The following CTNND2 variants were observed in gnomAD, a reference collection of about 807,000 sequenced individuals.
The protein encoded by CTNND2 is catenin delta-2.
A neutral mutation model predicts 144.4 loss-of-function variants in CTNND2; 22 were observed. That is an observed-to-expected ratio of 0.15 (90% CI 0.11 to 0.22). CTNND2 has a LOEUF of 0.22. CTNND2 is among the 10% of genes least tolerant of loss of function. The probability of loss-of-function intolerance (pLI) is 1.00; values close to 1 mark genes in which losing one functional copy is unlikely to be tolerated. For missense variants in CTNND2, 1,353 were observed against 1,618.8 expected, an observed-to-expected ratio of 0.84 and a Z score of 2.82; for synonymous variants, 751 against 695.6, an observed-to-expected ratio of 1.08 and a Z score of -1.25.
intron 3 of CTNND2, among the ~76,000 whole-genome samples, chr5:11,475,510 A>C (rs1455592930): frequency 6.6e-6 from 1 of 152,170 alleles, no homozygotes; most frequent in Non-Finnish European, 1.5e-5. Context: ...AATTTAGGGA[A>C]ATCACACATA....
At position 11,517,025 on chromosome 5, in the gene CTNND2, A is replaced by G. The variant is rs547777855; in HGVS notation, c.287+47919T>C. On this transcript the variant is annotated intron_variant, in intron 3 of 21. Transcript: ENST00000304623. The stretch of plus-strand genomic sequence containing the variant: ...CATGTATTTCTTAGGCAAGCATATT[A>G]TAGAATTACTTTCCAATATCAATAC... 1.3e-3 allele frequency among the ~76,000 whole-genome samples: 195 copies of G among 152,344 alleles called. 1 individual carries two copies. The highest frequency in any genetic ancestry group is 6.8e-3 in the Middle Eastern group (2 of 294).
intron 11 of CTNND2, among the ~76,000 whole-genome samples, chr5:11,170,297 G>A (rs751622594): frequency 6.6e-6 from 1 of 152,120 alleles, no homozygotes; most frequent in Non-Finnish European, 1.5e-5. Context: ...TTCATCTTTT[G>A]CCAGTTCCCT....
chr5:11,354,859 G>A (rs983866801), intron 8 of CTNND2, among the ~76,000 whole-genome samples: 5 of 152,066 alleles, frequency 3.3e-5, no homozygotes, highest in African/African-American at 7.2e-5. Context: ...CCACAAACAA[G>A]TCTTAACAAA....
chr5:11,317,005 C>T (rs977832855), intron 9 of CTNND2, among the ~76,000 whole-genome samples: 1 of 152,002 alleles, frequency 6.6e-6, no homozygotes, highest in Non-Finnish European at 1.5e-5. Flanking sequence ...AAAAGTGGGC[C>T]AAGGATATGA....
At chr5:11,566,532 A>G (rs1777117701) in intron 2 of CTNND2, among the ~76,000 whole-genome samples, 1 of 152,196 alleles carries the variant, frequency 6.6e-6, no homozygotes, top group Non-Finnish European at 1.5e-5. Flanking sequence ...AAACTCACCC[A>G]TACTTTTAAG....
At chr5:11,159,148 A>G (rs1374656347) in intron 12 of CTNND2, among the ~76,000 whole-genome samples, 2 of 152,180 alleles carry the variant, frequency 1.3e-5, no homozygotes, top group African/African-American at 4.8e-5. Flanking sequence ...TAAAATGAGA[A>G]TTTTTAAAAA....
intron 2 of CTNND2, among the ~76,000 whole-genome samples, chr5:11,698,213 A>G (rs1336399250): frequency 6.6e-6 from 1 of 152,150 alleles, no homozygotes; most frequent in Non-Finnish European, 1.5e-5. Context: ...ATACTCCCCA[A>G]CCAAGCCCTC....
chr5:11,511,532 G>A (rs968153350), intron 3 of CTNND2, among the ~76,000 whole-genome samples: 1 of 152,156 alleles, frequency 6.6e-6, no homozygotes, highest in Non-Finnish European at 1.5e-5. Context: ...TCATTTGGGG[G>A]TGATGTGTCC....
At chr5:11,066,741 G>C (rs376220831) in intron 16 of CTNND2, among the ~76,000 whole-genome samples, 1 of 152,182 alleles carries the variant, frequency 6.6e-6, no homozygotes, top group South Asian at 2.1e-4. Flanking sequence ...GAGACTCAGT[G>C]AGAGTGAAAT....
chr5:11,170,559 A>G (rs960442360), intron 11 of CTNND2, among the ~76,000 whole-genome samples: 7 of 152,056 alleles, frequency 4.6e-5, no homozygotes, highest in Middle Eastern at 3.2e-3. Context: ...GACCTCTACT[A>G]AAACACACAT....
chr5:11,133,065 T>C (rs1468485037), intron 12 of CTNND2, among the ~76,000 whole-genome samples: 2 of 152,188 alleles, frequency 1.3e-5, no homozygotes, highest in African/African-American at 4.8e-5. Flanking sequence ...AATGGTTACT[T>C]AAGACTGCCA....
rs557547348 is a variant in CTNND2, at chr5:11,244,132, G to C, written c.1629-7309C>G. Among the ~76,000 whole-genome samples, 15 of 152,188 alleles carry C rather than the reference G, an allele frequency of 9.9e-5. No homozygotes were observed. In the East Asian group the frequency reaches 2.1e-3, roughly 21 times the overall value. On this transcript the variant is annotated intron_variant, in intron 9 of 21. Coordinates refer to ENST00000304623, the MANE Select transcript of CTNND2 (RefSeq NM_001332.4). The stretch of plus-strand genomic sequence containing the variant: ...GTGCAGGGGTGATGGTCATAAGTTA[G>C]ATAGATTTTTTTAAAGAACAAAATG...
At chr5:11,579,984 T>TCTC (rs2150127899) in intron 2 of CTNND2, among the ~76,000 whole-genome samples, 1 of 152,274 alleles carries the variant, frequency 6.6e-6, no homozygotes, top group Non-Finnish European at 1.5e-5. Context: ...AAAGCAATAG[T>TCTC]CTCCTCAGAA....
At chr5:11,139,275 A>C (rs1246501700) in intron 12 of CTNND2, among the ~76,000 whole-genome samples, 1 of 152,196 alleles carries the variant, frequency 6.6e-6, no homozygotes, top group Non-Finnish European at 1.5e-5. Context: ...ACCATTTTTG[A>C]TCTGGAAACC....
At chr5:11,099,458 T>C (rs1291200396) in intron 14 of CTNND2, among the ~76,000 whole-genome samples, 2 of 152,178 alleles carry the variant, frequency 1.3e-5, no homozygotes, top group African/African-American at 2.4e-5. Context: ...CACAAAGGAA[T>C]ACCAGTCAAC....
At position 11,376,324 on chromosome 5, in the gene CTNND2, G is replaced by GCGTGTGTGTGTGTGTGTTCATGTATC. The variant is rs1554044787; in HGVS notation, c.1177+8340_1177+8341insGATACATGAACACACACACACACACG. Among the ~76,000 whole-genome samples, 350 of 149,228 alleles carry GCGTGTGTGTGTGTGTGTTCATGTATC rather than the reference G, an allele frequency of 2.3e-3. 1 individual carries two copies. Among genetic ancestry groups the GCGTGTGTGTGTGTGTGTTCATGTATC allele is most frequent in the African/African-American group, 8.3e-3 (335 of 40,568 alleles). On this transcript the variant is annotated intron_variant, in intron 7 of 21. Transcript: ENST00000304623. Reference sequence around the variant, plus strand: ...GTGATGAATGCCTTTGTGTGTGTGTGTGTGTGTGTGTGTGTGTGTGTGTAT... The same window carrying GCGTGTGTGTGTGTGTGTTCATGTATC: ...GTGATGAATGCCTTTGTGTGTGTGTGCGTGTGTGTGTGTGTGTTCATGTATCTGTGTGTGTGTGTGTGTGTGTGTAT...
At chr5:11,401,664 C>T (rs1760661577) in intron 5 of CTNND2, among the ~76,000 whole-genome samples, 1 of 152,224 alleles carries the variant, frequency 6.6e-6, no homozygotes, top group Non-Finnish European at 1.5e-5. Context: ...CTAACCCATT[C>T]AATTTTAATG....
intron 12 of CTNND2, among the ~76,000 whole-genome samples, chr5:11,129,049 TAAATA>T (rs1447221110): frequency 3.4e-5 from 1 of 29,150 alleles, no homozygotes; most frequent in Non-Finnish European, 5.9e-5. Context: ...ATATTATATA[TAAATA>T]AAATATATAT....
At chr5:11,398,858 C>T (rs1243354064) in intron 5 of CTNND2, among the ~76,000 whole-genome samples, 3 of 152,088 alleles carry the variant, frequency 2.0e-5, no homozygotes, top group Non-Finnish European at 4.4e-5. Context: ...GTGCCAGGAA[C>T]GTATTGTCCC....
Sources: gnomAD v4.1 joint callset for allele counts (sites outside exome capture counted in the v4.1 genomes callset) on GRCh38, gnomAD v4.1.1 for gene constraint, MANE v1.5 for transcripts, NCBI Gene and HGNC (gene_info 2026-07-23, HGNC 2026-07-21) for gene names.